PCDHGA10: variants seen among roughly 807,000 people sequenced by gnomAD.
PCDHGA10 encodes the protein protocadherin gamma-A10.
A neutral mutation model predicts 59.5 loss-of-function variants in PCDHGA10; 42 were observed. The observed-to-expected ratio is 0.71, with a 90% CI of 0.55 to 0.91. PCDHGA10 has a LOEUF of 0.91. Among genes scored for constraint, PCDHGA10 ranks in the 40% least tolerant of loss-of-function variants. The pLI, the probability that PCDHGA10 is intolerant of heterozygous loss-of-function variation, is 0.00. For synonymous variants in PCDHGA10, 511 were observed against 517.2 expected (o/e 0.99, Z 0.16); for missense variants, 1,111 against 1,198.2 (o/e 0.93, Z 1.07).
intron 1 of PCDHGA10, chr5:141,418,387 G>T: frequency 1.9e-6 from 3 of 1,614,002 alleles, no homozygotes; most frequent in Non-Finnish European, 2.5e-6. Flanking sequence ...GTCCTAACGA[G>T]TATTTCTCAT....
rs1413718059 is a variant in PCDHGA10, at chr5:141,414,443, A to G, written c.1268A>G (p.Asn423Ser). Residue 423 changes from asparagine (N) to serine (S), a missense_variant, in exon 1 of 4, where the codon AAT becomes AGT. By Grantham distance (46) the Asn-to-Ser change is conservative. Transcript: ENST00000398610. ...GACAGGGAACAGGTATCCTCTTACA[A>G]TATCACAGTGACAGCCACAGATGGG... The part of the protein sequence containing the change: ...ALDREQVSSY[N>S]ITVTATDGGS... 1 of 1,613,892 alleles carries G rather than the reference A, an allele frequency of 6.2e-7. No homozygotes were observed. Among genetic ancestry groups the G allele is most frequent in the Non-Finnish European group, 8.5e-7 (1 of 1,179,858 alleles).
chr5:141,416,031 C>G (rs1301059596), intron 1 of PCDHGA10: 1 of 207,362 alleles, frequency 4.8e-6, no homozygotes, highest in Non-Finnish European at 9.4e-6. Context: ...AGAAAGAAAT[C>G]ACCTCTGGAA....
chr5:141,498,284 G>A (rs1339639509), intron 2 of PCDHGA10, among the ~76,000 whole-genome samples: 1 of 152,004 alleles, frequency 6.6e-6, no homozygotes, highest in Non-Finnish European at 1.5e-5. Flanking sequence ...CTTGGTTCAA[G>A]ATCAAGCCAG....
chr5:141,468,832 C>G (rs530307522), intron 1 of PCDHGA10, among the ~76,000 whole-genome samples: 1 of 152,164 alleles, frequency 6.6e-6, no homozygotes, highest in South Asian at 2.1e-4. Flanking sequence ...AGCCACTGCA[C>G]TCCAGCCTGG....
In PCDHGA10 at chr5:141,491,354, C is replaced by T. The variant is rs2099710960; in HGVS notation, c.2437-3453C>T. The T allele has an allele frequency of 6.2e-7, 1 of 1,614,166 alleles. No homozygotes were observed. Among genetic ancestry groups the T allele is most frequent in the South Asian group, 1.1e-5 (1 of 91,088 alleles). On this transcript the variant is annotated intron_variant, in intron 1 of 3. Coordinates refer to ENST00000398610, the MANE Select transcript of PCDHGA10 (RefSeq NM_018913.3). This position sits in a 1 kb window ranked among gnomAD's most constrained non-coding sequence, Gnocchi z 6.9. ...GCTCTAGCGACCGTCAGTCTCTTAT[C>T]CCTAGTCACCTTCACCTTTCTGTCA...
chr5:141,426,565 T>G, intron 1 of PCDHGA10: 1 of 351,600 alleles, frequency 2.8e-6, no homozygotes, highest in Non-Finnish European at 5.7e-6. Flanking sequence ...AGATCGAGAG[T>G]CACTGTCTTC....
In PCDHGA10 at chr5:141,413,001, G is replaced by A. The variant is rs2095597089; in HGVS notation, c.-175G>A. 1 of 592,790 alleles carries A rather than the reference G, an allele frequency of 1.7e-6. No homozygotes were observed. The highest frequency in any genetic ancestry group is 2.8e-6 in the Non-Finnish European group (1 of 355,382). The allele number at this position is 592,790 out of a possible 1,614,324, so 36.7% of individuals were successfully genotyped here. A position where few individuals can be genotyped will look rare whatever the true frequency, so the allele number is the denominator to read the frequency against. ...AGCCAGAGCTCAATCCGGATTCTCA[G>A]GGCTTCAACTACACAAGCCCCACAA... On this transcript the variant is annotated 5_prime_UTR_variant, in exon 1 of 4. Transcript: ENST00000398610.
In PCDHGA10 at chr5:141,421,516, T is replaced by G. The variant is rs199973694; in HGVS notation, c.2436+5905T>G. On this transcript the variant is annotated intron_variant, in intron 1 of 3. Transcript: ENST00000398610. Reference sequence around the variant, plus strand: ...AGGCAGGATAGACCGGGAGGAGCTCTGTGAGACGGTGTCCTCCTGTTTTTT... The same window carrying G: ...AGGCAGGATAGACCGGGAGGAGCTCGGTGAGACGGTGTCCTCCTGTTTTTT... 1.4e-5 allele frequency: 22 copies of G among 1,614,064 alleles called. No homozygotes were observed. The East Asian group carries it at 4.9e-4, about 36-fold the overall frequency.
At chr5:141,427,824 G>A (rs1298494092) in intron 1 of PCDHGA10, 5 of 1,535,458 alleles carry the variant, frequency 3.3e-6, no homozygotes, top group African/African-American at 1.4e-5. Flanking sequence ...GGTGGTGGTC[G>A]CGCAGCGTGC....
At chr5:141,459,136 T>C (rs1044347522) in intron 1 of PCDHGA10, among the ~76,000 whole-genome samples, 2 of 152,224 alleles carry the variant, frequency 1.3e-5, no homozygotes, top group Non-Finnish European at 2.9e-5. Context: ...GTAACCACCA[T>C]GCAATCAAAA....
In PCDHGA10 at chr5:141,485,629, C is replaced by G. The variant is rs1028146827; in HGVS notation, c.2437-9178C>G. The G allele has an allele frequency of 1.2e-6, 2 of 1,611,902 alleles. No individual in the cohort carries two copies. The highest frequency in any genetic ancestry group is 3.3e-5 in the Admixed American group (2 of 59,922). On this transcript the variant is annotated intron_variant, in intron 1 of 3. Coordinates refer to ENST00000398610, the MANE Select transcript of PCDHGA10 (RefSeq NM_018913.3). This position sits in a 1 kb window ranked among gnomAD's most constrained non-coding sequence, Gnocchi z 5.7. ...AGGCAGCTCCTCCAGGACAGCGTTTCCCGTTGGAAAAGGCTCAGGATGCAG... is the reference window on the plus strand; with the variant it reads ...AGGCAGCTCCTCCAGGACAGCGTTTGCCGTTGGAAAAGGCTCAGGATGCAG...
At chr5:141,507,815 C>G (rs936926937) in intron 3 of PCDHGA10, among the ~76,000 whole-genome samples, 2 of 152,204 alleles carry the variant, frequency 1.3e-5, no homozygotes, top group African/African-American at 4.8e-5. Context: ...GGAACGGACC[C>G]TGGGGGTGGA....
At chr5:141,442,053 G>A (rs888378256) in intron 1 of PCDHGA10, 3 of 197,472 alleles carry the variant, frequency 1.5e-5, no homozygotes, top group Non-Finnish European at 3.2e-5. Flanking sequence ...ACTGGTCGCG[G>A]TGCACTGCGG....
intron 1 of PCDHGA10, among the ~76,000 whole-genome samples, chr5:141,445,929 A>G (rs1388363296): frequency 6.6e-6 from 1 of 152,208 alleles, no homozygotes; most frequent in Non-Finnish European, 1.5e-5. Context: ...AAGATATTTG[A>G]ATTATTAAGC....
At chr5:141,421,261 C>T (rs753531462) in intron 1 of PCDHGA10, 24 of 1,609,076 alleles carry the variant, frequency 1.5e-5, no homozygotes, top group Non-Finnish European at 2.0e-5. Context: ...GGACCGCAGT[C>T]GGCTGCTGCT....
intron 2 of PCDHGA10, among the ~76,000 whole-genome samples, chr5:141,503,608 AAAAAAAG>A (rs1483073868): frequency 3.3e-5 from 5 of 151,876 alleles, no homozygotes; most frequent in South Asian, 2.1e-4. Context: ...CAAAAAAAAA[AAAAAAAG>A]AAAAAAGAAA....
chr5:141,489,571 G>A lies in PCDHGA10; in HGVS notation c.2437-5236G>A, dbSNP rs1206848223. The A allele has an allele frequency of 1.9e-6, 3 of 1,613,884 alleles. No individual in the cohort carries two copies. The highest frequency in any genetic ancestry group is 2.2e-5 in the South Asian group (2 of 91,070). On this transcript the variant is annotated intron_variant, in intron 1 of 3. Transcript: ENST00000398610. The surrounding 1 kb of genome is among the most constrained non-coding windows in gnomAD (Gnocchi z 4.5). ...CCTGCTGCCAGTGCAGGTGGTGACT[G>A]AACACCCCCTGGAGCTAATCCGTGT...
In PCDHGA10 at chr5:141,489,163, C is replaced by T. The variant is rs2099683398; in HGVS notation, c.2437-5644C>T. 1 of 1,060,592 alleles carries T rather than the reference C, an allele frequency of 9.4e-7. No individual in the cohort carries two copies. Among genetic ancestry groups the T allele is most frequent in the Admixed American group, 2.4e-5 (1 of 41,724 alleles). The allele number at this position is 1,060,592 out of a possible 1,614,324, so 65.7% of individuals were successfully genotyped here. On this transcript the variant is annotated intron_variant, in intron 1 of 3. Coordinates refer to ENST00000398610, the MANE Select transcript of PCDHGA10 (RefSeq NM_018913.3). This position sits in a 1 kb window ranked among gnomAD's most constrained non-coding sequence, Gnocchi z 4.5. ...TGGAAGGAGACATAAGAGACTTCAGCTGCTGCATTCCAAGCCCTGGGTCTA... is the reference window on the plus strand; with the variant it reads ...TGGAAGGAGACATAAGAGACTTCAGTTGCTGCATTCCAAGCCCTGGGTCTA...
At position 141,421,233 on chromosome 5, in the gene PCDHGA10, G is replaced by A. The variant is rs201076931; in HGVS notation, c.2436+5622G>A. Reference sequence around the variant, plus strand: ...ATATCGGCTTAGAGCCTGCCATGGCGAATCGGCTACAGCGCGGGGACCGCA... The same window carrying A: ...ATATCGGCTTAGAGCCTGCCATGGCAAATCGGCTACAGCGCGGGGACCGCA... On this transcript the variant is annotated intron_variant, in intron 1 of 3. Coordinates refer to ENST00000398610, the MANE Select transcript of PCDHGA10 (RefSeq NM_018913.3). 1.4e-3 allele frequency: 2,185 copies of A among 1,592,236 alleles called. 58 individuals are homozygous for A. In the South Asian group the frequency reaches 0.024, roughly 17 times the overall value.
Sources: allele counts gnomAD v4.1 joint callset (sites outside exome capture counted in the v4.1 genomes callset), GRCh38; gene constraint gnomAD v4.1.1; non-coding constraint Gnocchi (gnomAD v3.1); transcripts MANE v1.5; gene names NCBI Gene and HGNC (gene_info 2026-07-23, HGNC 2026-07-21).